The following GAS2L3 variants were observed in gnomAD, a reference collection of about 807,000 sequenced individuals.
GAS2L3 encodes growth arrest specific 2 like 3.
In GAS2L3, 28 loss-of-function variants were observed where a neutral mutation model predicts 37.0. The observed-to-expected ratio is 0.76, with a 90% confidence interval of 0.56 to 1.04. The LOEUF (loss-of-function observed/expected upper bound fraction) is 1.04, where lower values mean the gene tolerates loss of function less well. GAS2L3 is among the 50% of genes least tolerant of loss of function. The pLI, the probability that GAS2L3 is intolerant of heterozygous loss-of-function variation, is 0.00. For synonymous variants in GAS2L3, 290 were observed against 296.6 expected, an observed-to-expected ratio of 0.98 and a Z score of 0.23; for missense variants, 793 against 817.6, an observed-to-expected ratio of 0.97 and a Z score of 0.37.
intron 5 of GAS2L3, among the ~76,000 whole-genome samples, chr12:100,604,837 C>T (rs947712322): frequency 6.6e-6 from 1 of 151,944 alleles, no homozygotes; most frequent in African/African-American, 2.4e-5. Context: ...GCTTTTTCAA[C>T]ATTAGTTGAA....
rs1457170436 is a variant in GAS2L3 at position 100,593,491 on chromosome 12, C to T, written c.-30-1384C>T. On this transcript the variant is annotated intron_variant, in intron 2 of 9. Coordinates refer to ENST00000547754, the MANE Select transcript of GAS2L3 (RefSeq NM_174942.3). ...GTTGAATTTTCCATAAAAAGTGCAG[C>T]GACTAAACATTCTTGTGATAGCTTC... 7 of 152,040 alleles carry T rather than the reference C, an allele frequency of 4.6e-5. No individual in the cohort carries two copies. The East Asian group carries it at 9.6e-4, about 21-fold the overall frequency. 9.4% of individuals were successfully genotyped at this position (152,040 alleles called of 1,614,324 possible).
intron 6 of GAS2L3, among the ~76,000 whole-genome samples, chr12:100,614,366 G>T (rs779050306): frequency 2.0e-5 from 3 of 151,964 alleles, no homozygotes; most frequent in Non-Finnish European, 4.4e-5. Context: ...AGGAGGCTGA[G>T]GCAGGAGAAT....
At position 100,598,613 on chromosome 12, in the gene GAS2L3, T is replaced by C. The variant is rs564560328; in HGVS notation, c.19-1769T>C. ...TTGAAACTATGTAAAAATCCCATTC[T>C]TGTTAAAATTTCAGTGTATTCATTT... On this transcript the variant is annotated intron_variant, in intron 3 of 9. Coordinates refer to ENST00000547754, the MANE Select transcript of GAS2L3 (RefSeq NM_174942.3). 3.3e-5 allele frequency among the ~76,000 whole-genome samples: 5 copies of C among 152,322 alleles called. 1 individual carries two copies. The highest frequency in any genetic ancestry group is 1.3e-4 in the Admixed American group (2 of 15,286).
chr12:100,573,940 C>A (rs1017053709), intron 1 of GAS2L3, 155 bp downstream of exon 1: 2 of 152,326 alleles, frequency 1.3e-5, no homozygotes, highest in East Asian at 1.9e-4. Flanking sequence ...GGAGCCAGTA[C>A]GCTCTGCGTT....
intron 5 of GAS2L3, among the ~76,000 whole-genome samples, chr12:100,605,984 T>C (rs1956051691): frequency 1.3e-5 from 2 of 152,048 alleles, no homozygotes; most frequent in Admixed American, 1.3e-4. Context: ...TGAGATGTTC[T>C]GTAAATATTT....
At chr12:100,581,470 G>C (rs1257519017) in intron 1 of GAS2L3, among the ~76,000 whole-genome samples, 1 of 152,192 alleles carries the variant, frequency 6.6e-6, no homozygotes, top group Non-Finnish European at 1.5e-5. Context: ...GCACTAGATA[G>C]ATTCCGTCAG....
intron 1 of GAS2L3, among the ~76,000 whole-genome samples, chr12:100,581,717 A>G (rs866751429): frequency 1.1e-4 from 16 of 152,212 alleles, no homozygotes; most frequent in African/African-American, 3.6e-4. Flanking sequence ...TTTTATGTGT[A>G]GGAACTCACA....
chr12:100,583,552 A>G (rs191295735), intron 1 of GAS2L3, among the ~76,000 whole-genome samples: 4 of 151,508 alleles, frequency 2.6e-5, no homozygotes, highest in Admixed American at 2.0e-4. Context: ...GCTCACTGCA[A>G]CCTCCACCTC....
At chr12:100,585,697 C>G (rs914113165) in intron 1 of GAS2L3, among the ~76,000 whole-genome samples, 1 of 152,198 alleles carries the variant, frequency 6.6e-6, no homozygotes, top group East Asian at 1.9e-4. Context: ...TTACATTCCT[C>G]TCCTTTACCC....
intron 2 of GAS2L3, chr12:100,593,877 T>C (rs987721479): frequency 1.3e-5 from 2 of 152,064 alleles, no homozygotes; most frequent in African/African-American, 2.4e-5. Flanking sequence ...TCTTTTGCCT[T>C]CCTGCAAAGA....
intron 5 of GAS2L3, among the ~76,000 whole-genome samples, chr12:100,607,553 A>G (rs947111960): frequency 2.0e-5 from 3 of 151,644 alleles, no homozygotes; most frequent in Non-Finnish European, 4.4e-5. Flanking sequence ...AAGGCCAATA[A>G]CTCTTAGGTT....
intron 1 of GAS2L3, among the ~76,000 whole-genome samples, chr12:100,585,249 CTT>C (rs201054061): frequency 3.1e-4 from 47 of 150,048 alleles, no homozygotes; most frequent in African/African-American, 1.1e-3. Flanking sequence ...ACACAGCACT[CTT>C]TTTTTTTCTT....
intron 6 of GAS2L3, among the ~76,000 whole-genome samples, chr12:100,617,117 C>T (rs1248780774): frequency 6.6e-6 from 1 of 151,022 alleles, no homozygotes; most frequent in African/African-American, 2.4e-5. Flanking sequence ...TAGTATATTG[C>T]ATTGGGTTGA....
chr12:100,608,952 C>G (rs1296202381), intron 5 of GAS2L3, among the ~76,000 whole-genome samples: 1 of 152,240 alleles, frequency 6.6e-6, no homozygotes. Context: ...CTACTACCAC[C>G]ACTGGCCCAT....
intron 1 of GAS2L3, among the ~76,000 whole-genome samples, chr12:100,586,464 C>A (rs908327005): frequency 6.6e-6 from 1 of 152,144 alleles, no homozygotes; most frequent in Non-Finnish European, 1.5e-5. Flanking sequence ...AACTCAATAG[C>A]CTGCTCCTGA....
chr12:100,579,125 C>T, intron 1 of GAS2L3: 1 of 707,308 alleles, frequency 1.4e-6, no homozygotes, highest in East Asian at 2.6e-5. Flanking sequence ...AATCCATTCA[C>T]ATAGTTCATT....
chr12:100,578,620 G>A lies in GAS2L3; in HGVS notation c.-152+4835G>A, dbSNP rs137958066. ...TCTTGGCAAATCTTCCTTTCTTCAC[G>A]TAAGATGTGTATTGGCGGCAGCCGT... is the stretch of plus-strand genomic sequence containing the variant. On this transcript the variant is annotated intron_variant, in intron 1 of 9. Transcript: ENST00000547754. The A allele has an allele frequency of 5.0e-4, 113 of 224,040 alleles. No homozygotes were observed. The East Asian group carries it at 6.5e-3, about 13-fold the overall frequency. The allele number at this position is 224,040 out of a possible 1,614,324, so 13.9% of individuals were successfully genotyped here.
chr12:100,613,011 A>G (rs780284413), intron 6 of GAS2L3, among the ~76,000 whole-genome samples: 29 of 152,112 alleles, frequency 1.9e-4, no homozygotes, highest in Non-Finnish European at 3.8e-4. Flanking sequence ...GGGCACCCCT[A>G]TCCAGTGTAG....
In GAS2L3 at chr12:100,622,391, ATTATTTACACT is replaced by A; in HGVS notation, c.756+20_756+30del. 7.8e-7 allele frequency: 1 copy of A among 1,278,420 alleles called. No individual in the cohort carries two copies. Among genetic ancestry groups the A allele is most frequent in the East Asian group, 2.3e-5 (1 of 42,900 alleles). 79.2% of individuals were successfully genotyped at this position (1,278,420 alleles called of 1,614,324 possible). On this transcript the variant is annotated intron_variant, in intron 9 of 9. Transcript: ENST00000547754. ...AAATACTCTTTATAAGAGTAAGTCC[ATTATTTACACT>A]TTATTTACACATAAATACTGTTTTG...
Sources: allele counts gnomAD v4.1 joint callset (sites outside exome capture counted in the v4.1 genomes callset), GRCh38; gene constraint gnomAD v4.1.1; transcripts MANE v1.5; gene names NCBI Gene and HGNC (gene_info 2026-07-23, HGNC 2026-07-21).